Variants in DUS2 observed in about 807,000 individuals in gnomAD.
DUS2 encodes tRNA-dihydrouridine(20) synthase [NAD(P)+]-like.
In DUS2, 52 loss-of-function variants were observed where a neutral mutation model predicts 71.3. The ratio of observed to expected loss-of-function variants is 0.73; its 90% CI spans 0.58 to 0.92. DUS2 has a LOEUF of 0.92. DUS2 is among the 40% of genes least tolerant of loss of function. The probability of loss-of-function intolerance (pLI) is 0.00; values close to 1 mark genes in which losing one functional copy is unlikely to be tolerated. For synonymous variants in DUS2, 204 were observed against 227.8 expected (o/e 0.90, Z 0.94); for missense variants, 558 against 622.6 (o/e 0.90, Z 1.10).
chr16:68,071,638 C>CTT (rs377115620), intron 12 of DUS2, among the ~76,000 whole-genome samples: 5,045 of 135,352 alleles, frequency 0.037, 307 homozygotes, highest in African/African-American at 0.12. Context: ...TAGGGAATAG[C>CTT]TTTTTTTTTT....
chr16:68,071,636 A>G (rs1436991460), intron 12 of DUS2, among the ~76,000 whole-genome samples: 1 of 145,202 alleles, frequency 6.9e-6, no homozygotes, highest in Admixed American at 6.9e-5. Context: ...CTTAGGGAAT[A>G]GCTTTTTTTT....
chr16:68,033,178 G>T (rs2033465858), intron 2 of DUS2, among the ~76,000 whole-genome samples: 1 of 152,104 alleles, frequency 6.6e-6, no homozygotes, highest in South Asian at 2.1e-4. Flanking sequence ...GATTTTGGGA[G>T]ACACATTTGG....
chr16:68,039,750 GAGGA>G (rs1239621884), intron 3 of DUS2, among the ~76,000 whole-genome samples: 1 of 129,146 alleles, frequency 7.7e-6, no homozygotes, highest in Non-Finnish European at 1.6e-5. Context: ...GCAAGGAAGG[GAGGA>G]AGGAAGGAAG....
At chr16:68,028,302 A>G (rs558146544) in intron 2 of DUS2, among the ~76,000 whole-genome samples, 7 of 152,194 alleles carry the variant, frequency 4.6e-5, no homozygotes, top group Admixed American at 4.6e-4. Flanking sequence ...CCTTGATCTT[A>G]AAAGAGCTAG....
At chr16:68,061,565 C>G (rs1048675334) in intron 8 of DUS2, among the ~76,000 whole-genome samples, 1 of 152,148 alleles carries the variant, frequency 6.6e-6, no homozygotes, top group East Asian at 1.9e-4. Context: ...AGAGTCTACC[C>G]CAGCCCTTGG....
intron 6 of DUS2, among the ~76,000 whole-genome samples, chr16:68,055,258 C>G (rs1424008280): frequency 1.3e-5 from 2 of 152,010 alleles, no homozygotes; most frequent in South Asian, 2.1e-4. Flanking sequence ...ATATTGCTTC[C>G]TGAATTAACA....
At chr16:68,049,702 C>A in intron 4 of DUS2, 152 bp downstream of exon 4, 1 of 721,790 alleles carries the variant, frequency 1.4e-6, no homozygotes, top group Non-Finnish European at 2.4e-6. Context: ...CACTGATCTC[C>A]AGAGGCCATG....
chr16:68,060,226 G>T (rs1373517340), intron 7 of DUS2, among the ~76,000 whole-genome samples: 1 of 152,160 alleles, frequency 6.6e-6, no homozygotes, highest in Non-Finnish European at 1.5e-5. Context: ...CTGGGTTAGG[G>T]AGTGGGCAGT....
chr16:68,030,385 G>A (rs1307763708), intron 2 of DUS2, among the ~76,000 whole-genome samples: 1 of 152,032 alleles, frequency 6.6e-6, no homozygotes, highest in Non-Finnish European at 1.5e-5. Flanking sequence ...CTTGAGGTCA[G>A]GAGTTCAAGA....
At chr16:68,024,735 T>C (rs1252928714) in intron 1 of DUS2, among the ~76,000 whole-genome samples, 2 of 151,956 alleles carry the variant, frequency 1.3e-5, no homozygotes, top group Non-Finnish European at 2.9e-5. Flanking sequence ...TTTTGAGTAG[T>C]GATGGGTGAA....
chr16:68,040,428 A>G (rs1017333192), intron 3 of DUS2, among the ~76,000 whole-genome samples: 5 of 152,040 alleles, frequency 3.3e-5, no homozygotes, highest in African/African-American at 1.2e-4. Context: ...CCCACGATTT[A>G]TGTGATTACT....
Position 68,053,561 on chromosome 16 carries a change from C to A in DUS2, c.173-3C>A. The A allele has an allele frequency of 3.7e-6, 6 of 1,614,180 alleles. No individual in the cohort carries two copies. Among genetic ancestry groups the A allele is most frequent in the Non-Finnish European group, 5.1e-6 (6 of 1,180,006 alleles). On this transcript the variant is annotated splice_region_variant and splice_polypyrimidine_tract_variant and intron_variant, in intron 4 of 16. Transcript: ENST00000565263. ...GACCCTATGTGTTTGGGTTTTCTTG[C>A]AGAGGTGCTCAGCACAGTGGACTTT...
intron 4 of DUS2, among the ~76,000 whole-genome samples, chr16:68,051,518 G>A (rs902417166): frequency 6.6e-6 from 1 of 151,974 alleles, no homozygotes; most frequent in African/African-American, 2.4e-5. Flanking sequence ...AGCCTTCCAA[G>A]TAGCTGGGAT....
At chr16:68,044,824 G>A (rs928037379) in intron 3 of DUS2, among the ~76,000 whole-genome samples, 1 of 151,458 alleles carries the variant, frequency 6.6e-6, no homozygotes, top group Non-Finnish European at 1.5e-5. Flanking sequence ...GCAGAGTCCC[G>A]CTTAGTTGCC....
chr16:68,031,981 C>T (rs1482539698), intron 2 of DUS2, among the ~76,000 whole-genome samples: 1 of 152,224 alleles, frequency 6.6e-6, no homozygotes, highest in Non-Finnish European at 1.5e-5. Flanking sequence ...AGGCATGAGC[C>T]ACCTCGCCCA....
Position 68,074,035 on chromosome 16 carries a change from C to T in DUS2, c.812C>T (p.Ala271Val), listed in dbSNP as rs138485465. 548 of 1,613,972 alleles carry T rather than the reference C, an allele frequency of 3.4e-4. No individual in the cohort carries two copies. The highest frequency in any genetic ancestry group is 4.6e-4 in the Non-Finnish European group (541 of 1,179,888). ...CAGGCAAGTCATTTCTTTTCTCAGG[C>T]GGTGCAGTATGACAACCACTACACC... The part of the protein sequence containing the change: ...EEVMQKYIRY[A>V]VQYDNHYTNT... Residue 271 changes from alanine (A) to valine (V), a missense_variant and splice_region_variant, in exon 13 of 17, where the codon GCG becomes GTG. Physicochemically the swap from Ala to Val is moderately conservative, Grantham distance 64. Transcript: ENST00000565263.
Position 68,051,943 on chromosome 16 carries a change from A to C in DUS2, c.173-1621A>C, listed in dbSNP as rs570688171. Among the ~76,000 whole-genome samples, 11 of 152,048 alleles carry C rather than the reference A, an allele frequency of 7.2e-5. No homozygotes were observed. In the East Asian group the frequency reaches 2.1e-3, roughly 30 times the overall value. ...AGATGGAATCTTACTCTGTAGCCCAAGCTAGAGTGCAGTGGCGTGATCTTG... is the reference window on the plus strand; with the variant it reads ...AGATGGAATCTTACTCTGTAGCCCACGCTAGAGTGCAGTGGCGTGATCTTG... On this transcript the variant is annotated intron_variant, in intron 4 of 16. Coordinates refer to ENST00000565263, the MANE Select transcript of DUS2 (RefSeq NM_017803.5).
rs779014028 is a variant in DUS2 at position 68,078,816 on chromosome 16, G to A, written c.1312G>A (p.Glu438Lys). Residue 438 changes from glutamate to lysine, a missense_variant, in exon 17 of 17, where the codon GAG (glutamate) becomes AAG (lysine). Coordinates refer to ENST00000565263, the MANE Select transcript of DUS2 (RefSeq NM_017803.5). ...IVCLRSQGLP[E>K]GRLGEESPSL... ...CTGTCTGCGGAGCCAGGGCCTCCCT[G>A]AGGGTCGGCTGGGTGAGGAGAGCCC... The A allele has an allele frequency of 1.9e-6, 3 of 1,613,388 alleles. No homozygotes were observed. Among genetic ancestry groups the A allele is most frequent in the Admixed American group, 3.3e-5 (2 of 60,018 alleles).
At chr16:68,037,889 A>T in intron 2 of DUS2, 117 bp from the exon 3 acceptor site, 1 of 1,095,346 alleles carries the variant, frequency 9.1e-7, no homozygotes, top group Non-Finnish European at 1.3e-6. Context: ...ACAACCAACC[A>T]AAAGAAAATG....
Sources: gnomAD v4.1 joint callset for allele counts (sites outside exome capture counted in the v4.1 genomes callset) on GRCh38, gnomAD v4.1.1 for gene constraint, MANE v1.5 for transcripts, NCBI Gene and HGNC (gene_info 2026-07-23, HGNC 2026-07-21) for gene names.